ARB2A: variants seen among roughly 807,000 people sequenced by gnomAD.
ARB2A encodes cotranscriptional regulator ARB2A.
chr5:94,101,976 A>G, the ARB2A span, among the ~76,000 whole-genome samples: 1 of 152,200 alleles, frequency 6.6e-6, no homozygotes, highest in South Asian at 2.1e-4. Flanking sequence ...CCAGGAAAAA[A>G]AAAAGAATAC....
chr5:93,705,542 A>G, the ARB2A span, among the ~76,000 whole-genome samples: 51 of 151,794 alleles, frequency 3.4e-4, no homozygotes, highest in East Asian at 9.9e-3. Flanking sequence ...AAACTTCCTG[A>G]CATTATGCTT....
chr5:93,886,098 A>T, the ARB2A span, among the ~76,000 whole-genome samples: 2 of 151,708 alleles, frequency 1.3e-5, no homozygotes, highest in African/African-American at 4.8e-5. Flanking sequence ...CAGACTTCTG[A>T]CCCCAAATGA....
At chr5:93,747,433 C>T in the ARB2A span, among the ~76,000 whole-genome samples, 1 of 151,994 alleles carries the variant, frequency 6.6e-6, no homozygotes, top group African/African-American at 2.4e-5. Flanking sequence ...TTTTAACTAG[C>T]ATTAAATGCA....
chr5:94,069,821 T>G, the ARB2A span, among the ~76,000 whole-genome samples: 3 of 152,074 alleles, frequency 2.0e-5, no homozygotes. Flanking sequence ...AAAAGGGAAT[T>G]CTTATACACT....
the ARB2A span, among the ~76,000 whole-genome samples, chr5:93,765,724 T>C: frequency 6.6e-6 from 1 of 152,194 alleles, no homozygotes; most frequent in African/African-American, 2.4e-5. Context: ...GAGCCCACAT[T>C]GCCAAGTCAA....
the ARB2A span, among the ~76,000 whole-genome samples, chr5:93,629,484 A>G: frequency 6.6e-6 from 1 of 152,166 alleles, no homozygotes; most frequent in African/African-American, 2.4e-5. Context: ...CAATATCTGC[A>G]AAGTGTGATA....
the ARB2A span, among the ~76,000 whole-genome samples, chr5:93,944,135 G>A: frequency 6.6e-6 from 1 of 151,930 alleles, no homozygotes; most frequent in African/African-American, 2.4e-5. Flanking sequence ...AAAGAATTTG[G>A]TTATATATAA....
At chr5:93,767,341 T>G in the ARB2A span, among the ~76,000 whole-genome samples, 1 of 152,172 alleles carries the variant, frequency 6.6e-6, no homozygotes, top group Non-Finnish European at 1.5e-5. Context: ...GGTATCACCT[T>G]ACTCCTGCAA....
chr5:93,915,982 G>A, the ARB2A span, among the ~76,000 whole-genome samples: 1 of 152,046 alleles, frequency 6.6e-6, no homozygotes, highest in African/African-American at 2.4e-5. Context: ...TATTCTCAAT[G>A]TATTCAAGGT....
the ARB2A span, chr5:94,055,851 T>A: frequency 5.5e-4 from 543 of 985,464 alleles, 2 homozygotes; most frequent in South Asian, 2.2e-3. Context: ...AAACTGTCCA[T>A]ACATAAGCAG....
chr5:93,910,437 CTATT>C, the ARB2A span, among the ~76,000 whole-genome samples: 5 of 150,960 alleles, frequency 3.3e-5, no homozygotes, highest in Admixed American at 6.6e-5. Context: ...AAAATCTAAA[CTATT>C]TAAGGTGCTT....
At chr5:93,807,799 G>C in the ARB2A span, among the ~76,000 whole-genome samples, 1 of 151,786 alleles carries the variant, frequency 6.6e-6, no homozygotes, top group East Asian at 1.9e-4. Flanking sequence ...CACTCAAACT[G>C]CAGAAACATC....
the ARB2A span, among the ~76,000 whole-genome samples, chr5:94,106,613 T>A: frequency 6.6e-6 from 1 of 151,950 alleles, no homozygotes; most frequent in East Asian, 1.9e-4. Context: ...AACTCAGCAA[T>A]CCCATTCCTG....
At chr5:93,667,561 T>C in the ARB2A span, among the ~76,000 whole-genome samples, 2 of 152,168 alleles carry the variant, frequency 1.3e-5, no homozygotes, top group East Asian at 3.9e-4. Flanking sequence ...GTGCAAGTGA[T>C]CCTCCAGTCT....
At chr5:93,895,876 T>A in the ARB2A span, among the ~76,000 whole-genome samples, 1 of 151,800 alleles carries the variant, frequency 6.6e-6, no homozygotes, top group Admixed American at 6.6e-5. Context: ...CACCCTTAAT[T>A]TTAATAGGAC....
chr5:93,873,376 AAAGGAAAGGAAGGGG>A, the ARB2A span, among the ~76,000 whole-genome samples: 2 of 13,674 alleles, frequency 1.5e-4, 1 homozygote, highest in African/African-American at 4.6e-4. Flanking sequence ...AAAGGAAAGG[AAAGGAAAGGAAGGGG>A]AAGGGGAAGG....
the ARB2A span, among the ~76,000 whole-genome samples, chr5:94,080,384 T>C: frequency 6.6e-6 from 1 of 152,166 alleles, no homozygotes; most frequent in African/African-American, 2.4e-5. Context: ...AATAACACAT[T>C]TGCAAAATCG....
At chr5:93,683,591 A>G in the ARB2A span, 7 of 1,468,046 alleles carry the variant, frequency 4.8e-6, no homozygotes, top group Non-Finnish European at 6.6e-6. Flanking sequence ...GTTCTTAAGG[A>G]TAACTGGCGC....
the ARB2A span, among the ~76,000 whole-genome samples, chr5:93,851,258 C>A: frequency 6.6e-6 from 1 of 152,002 alleles, no homozygotes; most frequent in Non-Finnish European, 1.5e-5. Flanking sequence ...CAGGGAATGA[C>A]AGAAGTTTAG....
Sources: gnomAD v4.1 joint callset for allele counts (sites outside exome capture counted in the v4.1 genomes callset) on GRCh38, gnomAD v4.1.1 for gene constraint, MANE v1.5 for transcripts, NCBI Gene and HGNC (gene_info 2026-07-23, HGNC 2026-07-21) for gene names.